Variants in RAPH1 observed in about 807,000 individuals in gnomAD.
The protein encoded by RAPH1 is Ras association (RalGDS/AF-6) and pleckstrin homology domains 1.
In RAPH1, 18 loss-of-function variants were observed where a neutral mutation model predicts 88.1. The observed-to-expected ratio is 0.20, with a 90% CI of 0.14 to 0.30. The LOEUF (loss-of-function observed/expected upper bound fraction) is 0.30. Ranked by LOEUF, RAPH1 falls within the 10% of genes least tolerant of loss-of-function variation. The pLI is 1.00. For missense variants in RAPH1, 1,448 were observed against 1,543.2 expected, an observed-to-expected ratio of 0.94 and a Z score of 1.03; for synonymous variants, 587 against 559.0, an observed-to-expected ratio of 1.05 and a Z score of -0.71.
At chr2:203,469,005 A>G (rs1188803982) in intron 4 of RAPH1, among the ~76,000 whole-genome samples, 2 of 152,244 alleles carry the variant, frequency 1.3e-5, no homozygotes, top group African/African-American at 4.8e-5. Flanking sequence ...AGATGACAAC[A>G]GATATAAATT....
chr2:203,486,945 T>C (rs192202311), intron 4 of RAPH1, among the ~76,000 whole-genome samples: 24 of 152,328 alleles, frequency 1.6e-4, no homozygotes, highest in Non-Finnish European at 2.9e-4. Context: ...CATTAAACTC[T>C]TATATTAAAC....
At chr2:203,455,652 T>G (rs1559457143) in intron 8 of RAPH1, 72 bp from the exon 9 acceptor site, 6 of 1,401,098 alleles carry the variant, frequency 4.3e-6, no homozygotes, top group Non-Finnish European at 6.0e-6. Context: ...TTTACTCCTG[T>G]GAAATGCATG....
chr2:203,511,138 A>C (rs886365657), intron 1 of RAPH1, among the ~76,000 whole-genome samples: 4 of 152,092 alleles, frequency 2.6e-5, no homozygotes, highest in Non-Finnish European at 5.9e-5. Flanking sequence ...GAAAGAGAGA[A>C]ACCATATGGT....
intron 13 of RAPH1, chr2:203,443,445 A>C (rs964072076): frequency 1.3e-5 from 2 of 152,160 alleles, no homozygotes; most frequent in Non-Finnish European, 2.9e-5. Context: ...ATGTCTTTCA[A>C]ATGAACTGAA....
chr2:203,511,445 G>T (rs766090108), intron 1 of RAPH1, among the ~76,000 whole-genome samples: 6 of 152,136 alleles, frequency 3.9e-5, no homozygotes, highest in African/African-American at 1.4e-4. Flanking sequence ...ATTTCTATAA[G>T]GTTATTTCAA....
At chr2:203,505,784 C>T (rs1452655745) in intron 1 of RAPH1, among the ~76,000 whole-genome samples, 5 of 152,110 alleles carry the variant, frequency 3.3e-5, no homozygotes, top group African/African-American at 4.8e-5. Context: ...AGCCACTCAG[C>T]GTGTAGTAAT....
At chr2:203,518,341 C>T (rs553873989) in intron 1 of RAPH1, among the ~76,000 whole-genome samples, 4 of 152,076 alleles carry the variant, frequency 2.6e-5, no homozygotes, top group Admixed American at 6.6e-5. Flanking sequence ...CATGGTGAAA[C>T]CCCATCTCTA....
intron 13 of RAPH1, chr2:203,442,488 C>T (rs1255084178): frequency 6.5e-6 from 1 of 154,702 alleles, no homozygotes; most frequent in Non-Finnish European, 1.4e-5. Context: ...ATTCTAATAG[C>T]CATCCGGACA....
At chr2:203,504,083 A>G (rs935861590) in intron 1 of RAPH1, among the ~76,000 whole-genome samples, 1 of 152,134 alleles carries the variant, frequency 6.6e-6, no homozygotes, top group African/African-American at 2.4e-5. Flanking sequence ...CCAAGTGCAC[A>G]GTGCAAGCTG....
chr2:203,489,069 C>A (rs775982421), intron 4 of RAPH1, among the ~76,000 whole-genome samples: 1 of 149,662 alleles, frequency 6.7e-6, no homozygotes, highest in Admixed American at 6.7e-5. Flanking sequence ...GAGGTTGCAG[C>A]GAGCTGAGAT....
intron 4 of RAPH1, among the ~76,000 whole-genome samples, chr2:203,465,644 T>C (rs367958258): frequency 1.3e-5 from 2 of 152,116 alleles, no homozygotes; most frequent in African/African-American, 4.8e-5. Flanking sequence ...TCCCAGCACT[T>C]TGAGAGGCCA....
Position 203,438,930 on chromosome 2 carries a change from G to A in RAPH1, c.*507C>T, listed in dbSNP as rs2098500636. The A allele has an allele frequency of 6.4e-6, 1 of 155,116 alleles. No individual in the cohort carries two copies. The highest frequency in any genetic ancestry group is 1.4e-5 in the Non-Finnish European group (1 of 69,694). The allele number at this position is 155,116 out of a possible 1,614,324, so 9.6% of individuals were successfully genotyped here. On this transcript the variant is annotated 3_prime_UTR_variant, in exon 14 of 14. Coordinates refer to ENST00000319170, the MANE Select transcript of RAPH1 (RefSeq NM_213589.3). ...CAACTGGGGAAAAACAAACACAAAA[G>A]CCTTATAGATACACCAAACATTCTG...
chr2:203,474,191 C>G (rs997371156), intron 4 of RAPH1, among the ~76,000 whole-genome samples: 2 of 152,046 alleles, frequency 1.3e-5, no homozygotes, highest in African/African-American at 4.8e-5. Flanking sequence ...TATTTGAGAC[C>G]AGTGGTTCTC....
At position 203,460,657 on chromosome 2, in the gene RAPH1, G is replaced by GA. The variant is rs74527711; in HGVS notation, c.970+591dup. 7.2e-3 allele frequency among the ~76,000 whole-genome samples: 988 copies of GA among 136,920 alleles called. 12 individuals carry two copies. The highest frequency in any genetic ancestry group is 0.02 in the African/African-American group (762 of 37,440). The allele number at this position is 136,920 out of a possible 152,430, so 89.8% of individuals were successfully genotyped here. On this transcript the variant is annotated intron_variant, in intron 6 of 13. Coordinates refer to ENST00000319170, the MANE Select transcript of RAPH1 (RefSeq NM_213589.3). The stretch of plus-strand genomic sequence containing the variant: ...GCATCAGTCTATCCAGTTCTTATTT[G>GA]AAAAAAAAAAAACTATTTTGTTACC...
intron 1 of RAPH1, among the ~76,000 whole-genome samples, chr2:203,528,454 C>T (rs997824271): frequency 1.3e-5 from 2 of 152,180 alleles, no homozygotes; most frequent in African/African-American, 4.8e-5. Context: ...AAACTTTGTA[C>T]TAGCCCAATC....
At chr2:203,527,021 T>C (rs1581415077) in intron 1 of RAPH1, among the ~76,000 whole-genome samples, 1 of 151,954 alleles carries the variant, frequency 6.6e-6, no homozygotes. Context: ...TGACCTCAGG[T>C]GATCCGCCCA....
chr2:203,469,448 T>C (rs2098531257), intron 4 of RAPH1, among the ~76,000 whole-genome samples: 1 of 152,202 alleles, frequency 6.6e-6, no homozygotes, highest in Non-Finnish European at 1.5e-5. Context: ...TTCATAAATG[T>C]ACAAGGTTAG....
At chr2:203,515,860 G>T (rs986359434) in intron 1 of RAPH1, among the ~76,000 whole-genome samples, 3 of 152,132 alleles carry the variant, frequency 2.0e-5, no homozygotes, top group Non-Finnish European at 4.4e-5. Flanking sequence ...GAAGTGCTTT[G>T]CAAGAAATAT....
At chr2:203,442,931 ACTT>A (rs889777408) in intron 13 of RAPH1, 2 of 152,172 alleles carry the variant, frequency 1.3e-5, no homozygotes, top group African/African-American at 2.4e-5. Context: ...CTGTAAACCA[ACTT>A]CTTTAGTACA....
Sources: gnomAD v4.1 joint callset for allele counts (sites outside exome capture counted in the v4.1 genomes callset) on GRCh38, gnomAD v4.1.1 for gene constraint, MANE v1.5 for transcripts, NCBI Gene and HGNC (gene_info 2026-07-23, HGNC 2026-07-21) for gene names.